The following CHST3 variants were observed in gnomAD, a reference collection of about 807,000 sequenced individuals.
CHST3 encodes C6ST-1.
A neutral mutation model predicts 35.4 loss-of-function variants in CHST3; 20 were observed. The ratio of observed to expected loss-of-function variants is 0.57; its 90% CI spans 0.40 to 0.82. The LOEUF (loss-of-function observed/expected upper bound fraction) is 0.82. Among genes scored for constraint, CHST3 ranks in the 40% least tolerant of loss-of-function variants. The pLI, the probability that CHST3 is intolerant of heterozygous loss-of-function variation, is 0.00. For missense variants in CHST3, 693 were observed against 670.1 expected (o/e 1.03, Z -0.38); for synonymous variants, 334 against 295.9 (o/e 1.13, Z -1.32).
At chr10:71,978,700 C>T (rs1462755301) in intron 1 of CHST3, among the ~76,000 whole-genome samples, 2 of 152,226 alleles carry the variant, frequency 1.3e-5, no homozygotes, top group African/African-American at 4.8e-5. Context: ...CAGGAGCCTG[C>T]CTGGTAAGCA....
intron 1 of CHST3, among the ~76,000 whole-genome samples, chr10:72,002,234 A>G (rs1341679751): frequency 1.3e-5 from 2 of 152,210 alleles, no homozygotes; most frequent in Non-Finnish European, 2.9e-5. Context: ...GGGCAGCGTC[A>G]AGAAGGATCT....
intron 1 of CHST3, among the ~76,000 whole-genome samples, chr10:71,984,248 C>T (rs532998284): frequency 6.6e-6 from 1 of 152,318 alleles, no homozygotes; most frequent in South Asian, 2.1e-4. Context: ...GGTTCGAACT[C>T]CTGACCTCAA....
At chr10:72,004,501 A>G (rs1840020317) in intron 1 of CHST3, among the ~76,000 whole-genome samples, 1 of 152,166 alleles carries the variant, frequency 6.6e-6, no homozygotes, top group Non-Finnish European at 1.5e-5. Context: ...TTTATGCGCT[A>G]TGATATTTTT....
At chr10:71,991,656 G>C (rs997450990) in intron 1 of CHST3, among the ~76,000 whole-genome samples, 2 of 152,024 alleles carry the variant, frequency 1.3e-5, no homozygotes, top group African/African-American at 4.8e-5. Flanking sequence ...TACACGGCCG[G>C]GTGCAGTGGC....
intron 1 of CHST3, among the ~76,000 whole-genome samples, chr10:71,966,758 A>G (rs545006193): frequency 2.0e-5 from 3 of 152,240 alleles, no homozygotes; most frequent in South Asian, 2.1e-4. Context: ...TTATATCCCT[A>G]TGAGGTTAGC....
intron 1 of CHST3, among the ~76,000 whole-genome samples, chr10:72,000,592 A>G (rs565985594): frequency 1.3e-5 from 2 of 152,124 alleles, no homozygotes; most frequent in South Asian, 4.2e-4. Context: ...AGTGGCAGGA[A>G]GGGCCAGGGT....
At chr10:71,992,658 CTTTTTTTTT>C (rs57408244) in intron 1 of CHST3, among the ~76,000 whole-genome samples, 1 of 111,420 alleles carries the variant, frequency 9.0e-6, no homozygotes, top group African/African-American at 3.4e-5. Flanking sequence ...ATGGAATATT[CTTTTTTTTT>C]TTTTTTTTTT....
Position 71,988,252 on chromosome 10 carries a change from G to C in CHST3, c.-107-17484G>C, listed in dbSNP as rs77250797. ...ACTCCAGGGCCCAGAAGATTCCTAG[G>C]CTTCCTTAGCCACCTCCTCCTAAAG... On this transcript the variant is annotated intron_variant, in intron 1 of 2. Coordinates refer to ENST00000373115, the MANE Select transcript of CHST3 (RefSeq NM_004273.5). 1.8e-3 allele frequency among the ~76,000 whole-genome samples: 279 copies of C among 152,320 alleles called. 2 individuals carry two copies. Among genetic ancestry groups the C allele is most frequent in the African/African-American group, 6.2e-3 (259 of 41,560 alleles).
chr10:72,001,259 G>T (rs1410427966), intron 1 of CHST3, among the ~76,000 whole-genome samples: 1 of 152,190 alleles, frequency 6.6e-6, no homozygotes, highest in Non-Finnish European at 1.5e-5. Flanking sequence ...CTGTCAATAT[G>T]CAGAGTGCTG....
intron 1 of CHST3, among the ~76,000 whole-genome samples, chr10:71,965,804 AG>A (rs1839627191): frequency 6.6e-6 from 1 of 152,098 alleles, no homozygotes; most frequent in South Asian, 2.1e-4. Flanking sequence ...CCAGCAGAGA[AG>A]GGGGCCTGAG....
intron 1 of CHST3, among the ~76,000 whole-genome samples, chr10:71,982,275 A>G (rs745507235): frequency 6.6e-6 from 1 of 152,338 alleles, no homozygotes; most frequent in Admixed American, 6.5e-5. Context: ...GAAAAAAACT[A>G]TCAGCCATTG....
At chr10:71,971,790 A>G (rs1033717024) in intron 1 of CHST3, among the ~76,000 whole-genome samples, 5 of 152,148 alleles carry the variant, frequency 3.3e-5, no homozygotes, top group Non-Finnish European at 5.9e-5. Flanking sequence ...GGGGCTTGTT[A>G]GAGACACGGA....
At position 71,967,609 on chromosome 10, in the gene CHST3, A is replaced by G. The variant is rs565367682; in HGVS notation, c.-108+2915A>G. Among the ~76,000 whole-genome samples, 21 of 152,278 alleles carry G rather than the reference A, an allele frequency of 1.4e-4. No individual in the cohort carries two copies. The South Asian group carries it at 4.4e-3, about 32-fold the overall frequency. Reference sequence around the variant, plus strand: ...TTTAGGTTGATTTCATGTTTTTGCTATTGTGACTAGTGCTATGATAAACAT... The same window carrying G: ...TTTAGGTTGATTTCATGTTTTTGCTGTTGTGACTAGTGCTATGATAAACAT... On this transcript the variant is annotated intron_variant, in intron 1 of 2. Transcript: ENST00000373115.
chr10:71,982,824 C>T (rs55740104), intron 1 of CHST3, among the ~76,000 whole-genome samples: 17,320 of 152,252 alleles, frequency 0.11, 956 homozygotes, highest in Admixed American at 0.16. Context: ...CAGTAGGAAA[C>T]AGATACGGGG....
At chr10:71,982,944 T>C (rs1839814881) in intron 1 of CHST3, among the ~76,000 whole-genome samples, 1 of 152,208 alleles carries the variant, frequency 6.6e-6, no homozygotes, top group South Asian at 2.1e-4. Context: ...GACCCCTTCT[T>C]CACTGCCCAC....
intron 1 of CHST3, among the ~76,000 whole-genome samples, chr10:71,996,357 T>C (rs1839937713): frequency 6.6e-6 from 1 of 151,994 alleles, no homozygotes; most frequent in Non-Finnish European, 1.5e-5. Context: ...CAGAGATTCA[T>C]TGCTAACTTT....
chr10:71,982,131 A>G (rs1372967501), intron 1 of CHST3, among the ~76,000 whole-genome samples: 1 of 152,234 alleles, frequency 6.6e-6, no homozygotes. Context: ...TCCAGATGGG[A>G]TTAAGTTAAG....
At chr10:72,006,487 T>C (rs1035112885) in intron 2 of CHST3, among the ~76,000 whole-genome samples, 1 of 152,182 alleles carries the variant, frequency 6.6e-6, no homozygotes, top group African/African-American at 2.4e-5. Context: ...AAGGTCCTAG[T>C]ATGGATACTC....
Position 72,007,615 on chromosome 10 carries a change from T to A in CHST3, c.584T>A (p.Leu195His). The part of the protein sequence containing the change: ...ALVYRDVLKQ[L>H]FLCDLYVLEH... ...GTGTACCGCGACGTGCTCAAGCAGC[T>A]CTTCCTGTGCGACCTGTACGTGCTG... The change falls in exon 3 of 3, where the codon CTC becomes CAC. Residue 195 changes from leucine to histidine, a missense_variant. Physicochemically the swap from Leu to His is moderately conservative, Grantham distance 99. Transcript: ENST00000373115. The A allele has an allele frequency of 6.2e-7, 1 of 1,610,158 alleles. No individual in the cohort carries two copies. Among genetic ancestry groups the A allele is most frequent in the Non-Finnish European group, 8.5e-7 (1 of 1,179,630 alleles).
Sources: gnomAD v4.1 joint callset for allele counts (sites outside exome capture counted in the v4.1 genomes callset) on GRCh38, gnomAD v4.1.1 for gene constraint, MANE v1.5 for transcripts, NCBI Gene and HGNC (gene_info 2026-07-23, HGNC 2026-07-21) for gene names.